The following EPB41L4A variants were observed in gnomAD, a reference collection of about 807,000 sequenced individuals.
EPB41L4A encodes erythrocyte membrane protein band 4.1 like 4A, also known as band 4.1-like protein 4A.
Under a neutral mutation model 108.6 loss-of-function variants are expected in EPB41L4A, and 100 were observed. That is an observed-to-expected ratio of 0.92 (90% CI 0.78 to 1.09). The LOEUF (loss-of-function observed/expected upper bound fraction) is 1.09, where lower values mean the gene tolerates loss of function less well. EPB41L4A is among the 50% of genes least tolerant of loss of function. EPB41L4A has a pLI of 0.00. For synonymous variants in EPB41L4A, 319 were observed against 289.0 expected (o/e 1.10, Z -1.05); for missense variants, 1,030 against 842.7 (o/e 1.22, Z -2.75).
At chr5:112,270,540 A>C (rs1018605495) in intron 4 of EPB41L4A, among the ~76,000 whole-genome samples, 2 of 152,250 alleles carry the variant, frequency 1.3e-5, no homozygotes, top group Non-Finnish European at 2.9e-5. Context: ...TTTAACCTCT[A>C]AAGTTTAAAA....
chr5:112,143,024 G>A (rs991623297), exon 14 of EPB41L4A: 1 of 152,156 alleles, frequency 6.6e-6, no homozygotes. Context: ...TAGCCTGCTG[G>A]AGAGGCAATA....
rs1018434268 is a variant in EPB41L4A at position 112,312,210 on chromosome 5, A to G, written c.100-4720T>C. Among the ~76,000 whole-genome samples the G allele has an allele frequency of 1.8e-4, 28 of 152,228 alleles. 1 individual carries two copies. The highest frequency in any genetic ancestry group is 6.8e-4 in the African/African-American group (28 of 41,454). ...AGAAAACCAGCTCGGGAGTTTACAA[A>G]GTATACAGAAACTCTAAAATTTTCA... is the stretch of plus-strand genomic sequence containing the variant. On this transcript the variant is annotated intron_variant, in intron 1 of 22. Transcript: ENST00000261486.
chr5:112,259,994 A>G lies in EPB41L4A; in HGVS notation c.643-15T>C. 6.5e-7 allele frequency: 1 copy of G among 1,548,930 alleles called. No homozygotes were observed. The highest frequency in any genetic ancestry group is 8.9e-7 in the Non-Finnish European group (1 of 1,120,630). ...TTGTTTTCTCCCTGCAAAAACAAAC[A>G]TATGCCTATAACCACATATTCACAT... On this transcript the variant is annotated splice_polypyrimidine_tract_variant and intron_variant, in intron 7 of 22. Coordinates refer to ENST00000261486, the MANE Select transcript of EPB41L4A (RefSeq NM_022140.5).
intron 10 of EPB41L4A, 21 bp downstream of exon 10, chr5:112,240,697 CA>C: frequency 1.4e-6 from 2 of 1,396,300 alleles, no homozygotes; most frequent in East Asian, 2.5e-5. Flanking sequence ...AGACAACAAA[CA>C]AAATTTTTAC....
chr5:112,339,891 A>C (rs61424281), intron 1 of EPB41L4A, among the ~76,000 whole-genome samples: 25,861 of 152,060 alleles, frequency 0.17, 2,344 homozygotes, highest in East Asian at 0.32. Flanking sequence ...TTCAGACCTC[A>C]TGGAAGAGAC....
intron 2 of EPB41L4A, among the ~76,000 whole-genome samples, chr5:112,303,439 T>C (rs185303471): frequency 2.3e-4 from 35 of 152,278 alleles, no homozygotes; most frequent in Admixed American, 6.5e-5. Flanking sequence ...TAGCACTAAA[T>C]GTGTGGGCCT....
chr5:112,269,712 T>C (rs1276145878), intron 4 of EPB41L4A, among the ~76,000 whole-genome samples: 1 of 152,242 alleles, frequency 6.6e-6, no homozygotes, highest in Non-Finnish European at 1.5e-5. Context: ...TAAATTATAC[T>C]GTGACTCTAG....
At chr5:112,302,135 C>A (rs1164642287) in intron 2 of EPB41L4A, among the ~76,000 whole-genome samples, 3 of 151,948 alleles carry the variant, frequency 2.0e-5, no homozygotes, top group Non-Finnish European at 4.4e-5. Flanking sequence ...TTATGATAAA[C>A]CAAAGATCTG....
intron 17 of EPB41L4A, among the ~76,000 whole-genome samples, chr5:112,189,360 T>C: frequency 6.6e-6 from 1 of 152,206 alleles, no homozygotes; most frequent in Non-Finnish European, 1.5e-5. Context: ...CAGGTATTAT[T>C]CCACTTTGCA....
intron 1 of EPB41L4A, among the ~76,000 whole-genome samples, chr5:112,311,988 T>C (rs933766634): frequency 2.6e-5 from 4 of 152,170 alleles, no homozygotes; most frequent in African/African-American, 9.7e-5. Flanking sequence ...AGGAAACAAT[T>C]ATGCCTGAAA....
chr5:112,260,805 A>G (rs1403151814), intron 7 of EPB41L4A, among the ~76,000 whole-genome samples: 1 of 152,244 alleles, frequency 6.6e-6, no homozygotes, highest in Non-Finnish European at 1.5e-5. Flanking sequence ...GATAAATGGT[A>G]ACCTGCAAAA....
At chr5:112,267,867 ACTT>A (rs1044053595) in intron 4 of EPB41L4A, among the ~76,000 whole-genome samples, 94 of 152,154 alleles carry the variant, frequency 6.2e-4, no homozygotes, top group African/African-American at 2.2e-3. Context: ...TGTAAAACTG[ACTT>A]CTTCTTACTT....
intron 9 of EPB41L4A, among the ~76,000 whole-genome samples, chr5:112,241,475 T>C (rs184914027): frequency 4.4e-4 from 67 of 152,270 alleles, no homozygotes; most frequent in African/African-American, 6.7e-4. Flanking sequence ...TAAAACAACA[T>C]TGAAGGTACA....
intron 12 of EPB41L4A, among the ~76,000 whole-genome samples, chr5:112,219,062 T>G (rs1387771259): frequency 6.6e-6 from 1 of 152,232 alleles, no homozygotes; most frequent in Non-Finnish European, 1.5e-5. Context: ...TTCATCACAT[T>G]CTTTTTTCTC....
At chr5:112,182,932 A>G (rs144440578) in intron 18 of EPB41L4A, among the ~76,000 whole-genome samples, 51 of 152,348 alleles carry the variant, frequency 3.3e-4, no homozygotes, top group African/African-American at 1.2e-3. Flanking sequence ...AAGGGTGTAC[A>G]TGGTGTAGTG....
chr5:112,260,477 A>G (rs1272456736), intron 7 of EPB41L4A, among the ~76,000 whole-genome samples: 1 of 152,202 alleles, frequency 6.6e-6, no homozygotes, highest in Non-Finnish European at 1.5e-5. Flanking sequence ...GAATGGCTTG[A>G]TTTATCTCCG....
At chr5:112,395,364 T>C (rs573422970) in intron 1 of EPB41L4A, among the ~76,000 whole-genome samples, 1 of 152,062 alleles carries the variant, frequency 6.6e-6, no homozygotes, top group Non-Finnish European at 1.5e-5. Flanking sequence ...AGGACTAATA[T>C]CCAGAATCTA....
chr5:112,417,789 A>G (rs1350447258), intron 1 of EPB41L4A, among the ~76,000 whole-genome samples: 1 of 152,176 alleles, frequency 6.6e-6, no homozygotes, highest in Non-Finnish European at 1.5e-5. Context: ...TTAACTGATT[A>G]TTTTTGCTCC....
chr5:112,401,546 C>T (rs551115930), intron 1 of EPB41L4A, among the ~76,000 whole-genome samples: 1 of 152,302 alleles, frequency 6.6e-6, no homozygotes, highest in African/African-American at 2.4e-5. Context: ...ATATGGATTG[C>T]ATATGCTTTA....
Sources: gnomAD v4.1 joint callset for allele counts (sites outside exome capture counted in the v4.1 genomes callset) on GRCh38, gnomAD v4.1.1 for gene constraint, MANE v1.5 for transcripts, NCBI Gene and HGNC (gene_info 2026-07-23, HGNC 2026-07-21) for gene names.